The following MYO10 variants were observed in gnomAD, a reference collection of about 807,000 sequenced individuals.
MYO10 encodes myosin X, also known as unconventional myosin-X.
MYO10 carries 133 observed loss-of-function variants against 257.3 expected under a neutral mutation model. That is an observed-to-expected ratio of 0.52 (90% confidence interval 0.45 to 0.60). MYO10 has a LOEUF of 0.60. Among genes scored for constraint, MYO10 ranks in the 20% least tolerant of loss-of-function variants. MYO10 has a pLI of 0.00. For synonymous variants in MYO10, 1,104 were observed against 1,028.6 expected, an observed-to-expected ratio of 1.07 and a Z score of -1.40; for missense variants, 2,399 against 2,635.7, an observed-to-expected ratio of 0.91 and a Z score of 1.97.
intron 19 of MYO10, among the ~76,000 whole-genome samples, chr5:16,721,972 C>A (rs1739169791): frequency 2.0e-5 from 3 of 152,160 alleles, no homozygotes; most frequent in South Asian, 4.1e-4. Flanking sequence ...CCAGTCAATA[C>A]GCCCTTATAC....
At chr5:16,743,942 A>AG (rs903458184) in intron 19 of MYO10, among the ~76,000 whole-genome samples, 3 of 152,170 alleles carry the variant, frequency 2.0e-5, no homozygotes, top group East Asian at 1.9e-4. Context: ...ATGGTGGTGG[A>AG]GGGGGGCAGT....
At chr5:16,863,887 C>T (rs1744171738) in intron 2 of MYO10, among the ~76,000 whole-genome samples, 1 of 152,148 alleles carries the variant, frequency 6.6e-6, no homozygotes, top group South Asian at 2.1e-4. Flanking sequence ...CATTGCAGCT[C>T]AGGAGTTCGT....
rs138155063 is a variant in MYO10, at chr5:16,910,626, G to A, written c.21+25162C>T. Among the ~76,000 whole-genome samples, 359 of 152,266 alleles carry A rather than the reference G, an allele frequency of 2.4e-3. 1 individual carries two copies. The highest frequency in any genetic ancestry group is 8.1e-3 in the African/African-American group (337 of 41,542). On this transcript the variant is annotated intron_variant, in intron 1 of 40. Transcript: ENST00000513610. Reference sequence around the variant, plus strand: ...CTAATGCTTTTTCAGTGCTCACTAGGCATCCATCACTCCTCTAAGCATTTT... The same window carrying A: ...CTAATGCTTTTTCAGTGCTCACTAGACATCCATCACTCCTCTAAGCATTTT...
At position 16,701,785 on chromosome 5, in the gene MYO10, C is replaced by T. The variant is rs778069430; in HGVS notation, c.2610G>A (p.Lys870=). 2 of 1,612,916 alleles carry T rather than the reference C, an allele frequency of 1.2e-6. No individual in the cohort carries two copies. Among genetic ancestry groups the T allele is most frequent in the Non-Finnish European group, 1.7e-6 (2 of 1,179,660 alleles). The change falls in exon 25 of 41, where the codon AAG becomes AAA. Residue 870 remains lysine, a synonymous_variant. Transcript: ENST00000513610. This position sits in a 1 kb window ranked among gnomAD's most constrained non-coding sequence, Gnocchi z 8.1. ...CCAGTTCACGGGTCAGTTCAGCTTC[C>T]TTCTGGCTCTTCTGCAAGGCTTCGA... ...QELEALQKSQ[K]EAELTRELEK...
intron 3 of MYO10, among the ~76,000 whole-genome samples, chr5:16,802,938 T>A (rs1451818941): frequency 8.1e-6 from 1 of 123,992 alleles, no homozygotes; most frequent in Non-Finnish European, 1.8e-5. Flanking sequence ...ATCCTCTCTC[T>A]CAAAAAAAAA....
chr5:16,727,260 A>T (rs1739406253), intron 19 of MYO10, among the ~76,000 whole-genome samples: 1 of 152,198 alleles, frequency 6.6e-6, no homozygotes, highest in African/African-American at 2.4e-5. Flanking sequence ...CTCACATTCT[A>T]TTCCTATTGA....
chr5:16,875,496 G>A (rs1478099441), intron 2 of MYO10, among the ~76,000 whole-genome samples: 1 of 152,076 alleles, frequency 6.6e-6, no homozygotes, highest in African/African-American at 2.4e-5. Context: ...AACTAGACTG[G>A]GTGTTGGTGA....
chr5:16,885,532 G>A lies in MYO10; in HGVS notation c.22-7825C>T, dbSNP rs553165059. Among the ~76,000 whole-genome samples the A allele has an allele frequency of 3.9e-5, 6 of 152,184 alleles. No individual in the cohort carries two copies. In the South Asian group the frequency reaches 1.2e-3, roughly 32 times the overall value. Reference sequence around the variant, plus strand: ...ACTAAAAATGCAAAAAATTAGCTGGGCGCAGTGGTGGGTGCCTGTAATCCC... The same window carrying A: ...ACTAAAAATGCAAAAAATTAGCTGGACGCAGTGGTGGGTGCCTGTAATCCC... On this transcript the variant is annotated intron_variant, in intron 1 of 40. Transcript: ENST00000513610.
intron 1 of MYO10, among the ~76,000 whole-genome samples, chr5:16,898,119 G>C (rs1392376106): frequency 1.3e-5 from 2 of 152,130 alleles, no homozygotes; most frequent in Non-Finnish European, 2.9e-5. Context: ...AAAGCAGCGA[G>C]AATGACCACA....
intron 1 of MYO10, chr5:16,902,323 C>T: frequency 1.1e-6 from 1 of 929,294 alleles, no homozygotes; most frequent in Non-Finnish European, 1.8e-6. Flanking sequence ...GGACATGGGG[C>T]AGCACCCGCA....
At chr5:16,908,839 CATT>C (rs775377878) in intron 1 of MYO10, among the ~76,000 whole-genome samples, 3 of 152,192 alleles carry the variant, frequency 2.0e-5, no homozygotes, top group Non-Finnish European at 4.4e-5. Context: ...ATCTTGAAGA[CATT>C]ATGCCCAGTG....
At chr5:16,785,807 T>C (rs1428085243) in intron 4 of MYO10, among the ~76,000 whole-genome samples, 2 of 151,668 alleles carry the variant, frequency 1.3e-5, no homozygotes, top group Admixed American at 6.6e-5. Flanking sequence ...GAGGTGGAGG[T>C]TGCAGTGAAT....
chr5:16,836,372 C>T (rs1215345596), intron 2 of MYO10, among the ~76,000 whole-genome samples: 2 of 152,204 alleles, frequency 1.3e-5, no homozygotes, highest in South Asian at 4.1e-4. Flanking sequence ...AATTTAACCC[C>T]TATTCCTACT....
At chr5:16,772,023 T>A (rs1741068639) in intron 9 of MYO10, among the ~76,000 whole-genome samples, 1 of 152,124 alleles carries the variant, frequency 6.6e-6, no homozygotes, top group Non-Finnish European at 1.5e-5. Flanking sequence ...AAAAAACCTT[T>A]AGAAAACATT....
chr5:16,792,155 AGAGAGAGAGG>A (rs1275670425), intron 4 of MYO10, among the ~76,000 whole-genome samples: 3 of 148,368 alleles, frequency 2.0e-5, no homozygotes, highest in Non-Finnish European at 4.5e-5. Flanking sequence ...AGAGAGAGAG[AGAGAGAGAGG>A]GAGAGACAGA....
chr5:16,866,159 A>C (rs1744243411), intron 2 of MYO10, among the ~76,000 whole-genome samples: 1 of 152,164 alleles, frequency 6.6e-6, no homozygotes, highest in African/African-American at 2.4e-5. Flanking sequence ...GAAACTAGTA[A>C]TAGCAAATCC....
intron 1 of MYO10, among the ~76,000 whole-genome samples, chr5:16,932,854 C>T (rs1199149432): frequency 1.3e-5 from 2 of 152,146 alleles, no homozygotes; most frequent in South Asian, 2.1e-4. Flanking sequence ...AATCATGGTT[C>T]ACTGCAGCCT....
chr5:16,750,931 G>T (rs1315481001), intron 19 of MYO10, among the ~76,000 whole-genome samples: 1 of 152,170 alleles, frequency 6.6e-6, no homozygotes, highest in Non-Finnish European at 1.5e-5. Context: ...GGAGACGGAG[G>T]TTGTGGTGAG....
At chr5:16,864,314 T>C (rs903380046) in intron 2 of MYO10, among the ~76,000 whole-genome samples, 6 of 152,178 alleles carry the variant, frequency 3.9e-5, no homozygotes, top group African/African-American at 1.4e-4. Context: ...GTGTTCATTA[T>C]AAGGGGCCTC....
Sources: allele counts gnomAD v4.1 joint callset (sites outside exome capture counted in the v4.1 genomes callset), GRCh38; gene constraint gnomAD v4.1.1; non-coding constraint Gnocchi (gnomAD v3.1); transcripts MANE v1.5; gene names NCBI Gene and HGNC (gene_info 2026-07-23, HGNC 2026-07-21).